Variants in TANC1 observed in about 807,000 individuals in gnomAD.
TANC1 encodes the protein protein TANC1.
In TANC1, 77 loss-of-function variants were observed where a neutral mutation model predicts 149.7. The ratio of observed to expected loss-of-function variants is 0.51; its 90% CI spans 0.43 to 0.62. The LOEUF is 0.62. TANC1 is among the 20% of genes least tolerant of loss of function. TANC1 has a pLI of 0.00. For missense variants in TANC1, 1,985 were observed against 2,321.8 expected (o/e 0.85, Z 2.98); for synonymous variants, 854 against 925.0 (o/e 0.92, Z 1.39).
intron 3 of TANC1, among the ~76,000 whole-genome samples, chr2:159,093,953 T>C (rs2045821770): frequency 6.6e-6 from 1 of 152,220 alleles, no homozygotes; most frequent in African/African-American, 2.4e-5. Context: ...TTTTAATTCT[T>C]TTTCCCTTCA....
intron 2 of TANC1, among the ~76,000 whole-genome samples, chr2:159,049,213 T>G (rs2041292363): frequency 1.3e-5 from 2 of 152,240 alleles, no homozygotes; most frequent in Non-Finnish European, 2.9e-5. Context: ...AGTCTTGGTT[T>G]CTTATAAAAT....
At chr2:159,045,995 A>G (rs2041010348) in intron 2 of TANC1, among the ~76,000 whole-genome samples, 1 of 152,202 alleles carries the variant, frequency 6.6e-6, no homozygotes, top group Non-Finnish European at 1.5e-5. Context: ...TATTGAAACC[A>G]AGCCTTTCTT....
intron 4 of TANC1, among the ~76,000 whole-genome samples, chr2:159,115,513 A>C (rs1443870263): frequency 6.6e-6 from 1 of 152,156 alleles, no homozygotes; most frequent in Non-Finnish European, 1.5e-5. Flanking sequence ...GCAGAAGGAA[A>C]GTACTCAAGG....
intron 19 of TANC1, among the ~76,000 whole-genome samples, chr2:159,213,890 C>T (rs1050775518): frequency 6.6e-6 from 1 of 152,042 alleles, no homozygotes; most frequent in African/African-American, 2.4e-5. Context: ...CTTTGGGAGG[C>T]TAAGGTGGGC....
intron 3 of TANC1, among the ~76,000 whole-genome samples, chr2:159,077,743 TA>T (rs1161780477): frequency 9.2e-5 from 14 of 152,088 alleles, no homozygotes; most frequent in African/African-American, 1.7e-4. Flanking sequence ...AAGTTATATA[TA>T]TTTTTTTTAT....
At chr2:159,036,889 T>C (rs1029847790) in intron 2 of TANC1, among the ~76,000 whole-genome samples, 2 of 152,244 alleles carry the variant, frequency 1.3e-5, no homozygotes, top group Non-Finnish European at 2.9e-5. Flanking sequence ...ATGGGATGGC[T>C]GGGTCAAATG....
chr2:159,132,072 G>T (rs2050164972), intron 4 of TANC1, among the ~76,000 whole-genome samples: 1 of 152,176 alleles, frequency 6.6e-6, no homozygotes, highest in Admixed American at 6.5e-5. Context: ...GTGATTCAGT[G>T]CCTGGGCTTC....
chr2:159,195,103 T>C (rs2057750841), intron 17 of TANC1, among the ~76,000 whole-genome samples: 1 of 152,214 alleles, frequency 6.6e-6, no homozygotes, highest in Non-Finnish European at 1.5e-5. Context: ...TGTATTGCTA[T>C]ACAAGTTACT....
At chr2:159,165,475 G>C (rs777979154) in intron 8 of TANC1, among the ~76,000 whole-genome samples, 2 of 152,180 alleles carry the variant, frequency 1.3e-5, no homozygotes, top group Admixed American at 6.5e-5. Context: ...CCTATTTCAT[G>C]ATATCTGTTA....
intron 22 of TANC1, among the ~76,000 whole-genome samples, chr2:159,222,114 A>G (rs890609965): frequency 3.3e-5 from 5 of 152,226 alleles, no homozygotes; most frequent in Admixed American, 2.0e-4. Context: ...ACTTCATGTC[A>G]GTTTTCAAAA....
At chr2:158,996,997 AT>A (rs1351533978) in intron 1 of TANC1, among the ~76,000 whole-genome samples, 11 of 151,836 alleles carry the variant, frequency 7.2e-5, no homozygotes, top group East Asian at 1.9e-4. Flanking sequence ...AAAAAAAAAA[AT>A]CTACCTGCTT....
At chr2:159,031,002 GA>G (rs1179169085) in intron 2 of TANC1, among the ~76,000 whole-genome samples, 1 of 152,112 alleles carries the variant, frequency 6.6e-6, no homozygotes, top group Non-Finnish European at 1.5e-5. Flanking sequence ...TGGCCATATG[GA>G]GTCAGAGTGA....
intron 7 of TANC1, among the ~76,000 whole-genome samples, chr2:159,160,562 A>T (rs906755261): frequency 2.0e-5 from 3 of 152,180 alleles, no homozygotes; most frequent in African/African-American, 7.2e-5. Context: ...GGGAAGCCAG[A>T]CTGATTTGGC....
intron 19 of TANC1, among the ~76,000 whole-genome samples, chr2:159,203,974 G>A (rs1005736490): frequency 7.9e-5 from 12 of 152,204 alleles, no homozygotes. Context: ...AGAACTTTCC[G>A]TAATAATGGA....
intron 2 of TANC1, among the ~76,000 whole-genome samples, chr2:159,017,655 A>G (rs1173324345): frequency 6.6e-6 from 1 of 151,878 alleles, no homozygotes; most frequent in Non-Finnish European, 1.5e-5. Context: ...TGAAAGAGAG[A>G]TGCCTTGCAG....
rs753636354 is a variant in TANC1, at chr2:159,230,094, C to G, written c.4668C>G (p.Ile1556Met). 10 of 1,613,998 alleles carry G rather than the reference C, an allele frequency of 6.2e-6. No homozygotes were observed. The highest frequency in any genetic ancestry group is 3.3e-5 in the Admixed American group (2 of 60,026). The change falls in exon 27 of 27, where the codon ATC becomes ATG. Residue 1556 changes from isoleucine (I) to methionine (M), a missense_variant. By Grantham distance (10) the Ile-to-Met change is conservative. Around this residue, in one of 3 missense-constraint regions of TANC1, gnomAD observed 920 missense variants for 994.7 expected, o/e 0.92. Coordinates refer to ENST00000263635, the MANE Select transcript of TANC1 (RefSeq NM_033394.3). This position sits in a 1 kb window ranked among gnomAD's most constrained non-coding sequence, Gnocchi z 4.4. Reference protein sequence around the residue: ...AVRNGSMKVQISSQNPPPSPM... With the variant: ...AVRNGSMKVQMSSQNPPPSPM... ...GAAATGGCAGTATGAAAGTTCAGAT[C>G]TCTTCTCAGAACCCTCCTCCAAGTC... is the stretch of plus-strand genomic sequence containing the variant.
At chr2:159,031,866 T>C (rs1029919846) in intron 2 of TANC1, among the ~76,000 whole-genome samples, 3 of 152,204 alleles carry the variant, frequency 2.0e-5, no homozygotes, top group Non-Finnish European at 4.4e-5. Context: ...CTGTATGTCA[T>C]ACAGATTAGA....
At chr2:159,085,764 G>A (rs746169006) in intron 3 of TANC1, among the ~76,000 whole-genome samples, 3 of 152,190 alleles carry the variant, frequency 2.0e-5, no homozygotes, top group Non-Finnish European at 4.4e-5. Context: ...AGGGCACCGA[G>A]CCATTCATGA....
At chr2:159,115,814 A>G (rs1467853234) in intron 4 of TANC1, among the ~76,000 whole-genome samples, 1 of 152,180 alleles carries the variant, frequency 6.6e-6, no homozygotes, top group East Asian at 1.9e-4. Context: ...CAAGGTGGGC[A>G]TTATTCCTGT....
Sources: gnomAD v4.1 joint callset for allele counts (sites outside exome capture counted in the v4.1 genomes callset) on GRCh38, gnomAD v4.1.1 for gene constraint, gnomAD v4.1.1 regional missense constraint, Gnocchi (gnomAD v3.1) non-coding constraint, MANE v1.5 for transcripts, NCBI Gene and HGNC (gene_info 2026-07-23, HGNC 2026-07-21) for gene names.